The following NAV1 variants were observed in gnomAD, a reference collection of about 807,000 sequenced individuals.
NAV1 encodes the protein neuron navigator 1.
Under a neutral mutation model 175.2 loss-of-function variants are expected in NAV1, and 18 were observed. That is an observed-to-expected ratio of 0.10 (90% CI 0.07 to 0.15). NAV1 has a LOEUF of 0.15. Ranked by LOEUF, NAV1 falls within the 10% of genes least tolerant of loss-of-function variation. NAV1 has a pLI of 1.00. For synonymous variants in NAV1, 897 were observed against 978.7 expected (o/e 0.92, Z 1.56); for missense variants, 1,731 against 2,436.6 (o/e 0.71, Z 6.10).
chr1:201,726,904 CA>C (rs1358153527), intron 3 of NAV1, among the ~76,000 whole-genome samples: 2 of 152,184 alleles, frequency 1.3e-5, no homozygotes, highest in African/African-American at 4.8e-5. Flanking sequence ...CTTATCAACA[CA>C]GGCATACCAC....
In NAV1 at chr1:201,782,644, C is replaced by A; in HGVS notation, c.2132C>A (p.Thr711Lys). The A allele has an allele frequency of 1.2e-6, 2 of 1,614,146 alleles. No individual in the cohort carries two copies. Among genetic ancestry groups the A allele is most frequent in the Non-Finnish European group, 1.7e-6 (2 of 1,180,020 alleles). ...CTCAGCACCAAGCAGGGAGGCCTTA[C>A]GCCTTCCAGACTGAAGGAGCCTACC... is the stretch of plus-strand genomic sequence containing the variant. Residue 711 changes from threonine to lysine, a missense_variant, in exon 6 of 30, where the codon ACG (threonine) becomes AAG (lysine). Around this residue, in one of 13 missense-constraint regions of NAV1, gnomAD observed 634 missense variants for 766.8 expected, o/e 0.83. Coordinates refer to ENST00000367296, the Ensembl canonical transcript of NAV1. This position sits in a 1 kb window ranked among gnomAD's most constrained non-coding sequence, Gnocchi z 5.4.
At chr1:201,592,785 G>T (rs925077003) in intron 2 of NAV1, among the ~76,000 whole-genome samples, 1 of 152,130 alleles carries the variant, frequency 6.6e-6, no homozygotes, top group Non-Finnish European at 1.5e-5. Flanking sequence ...GCAGAAAGGG[G>T]TGGAGGGCCT....
At chr1:201,670,864 T>A (rs1172619573) in intron 1 of NAV1, among the ~76,000 whole-genome samples, 1 of 151,706 alleles carries the variant, frequency 6.6e-6, no homozygotes, top group Non-Finnish European at 1.5e-5. Flanking sequence ...ATGCTGGTGG[T>A]ATCTTGGTGA....
At chr1:201,744,399 A>C (rs1248021938) in intron 3 of NAV1, among the ~76,000 whole-genome samples, 2 of 151,940 alleles carry the variant, frequency 1.3e-5, no homozygotes. Context: ...TGCCAGGCAA[A>C]GTTCTGGGTA....
intron 2 of NAV1, among the ~76,000 whole-genome samples, chr1:201,610,132 T>C (rs1340842025): frequency 2.0e-5 from 3 of 152,242 alleles, no homozygotes; most frequent in East Asian, 1.9e-4. Context: ...CTGCTTCCCA[T>C]GCCAGCTCAA....
At chr1:201,624,458 C>T (rs1463379747) in intron 1 of NAV1, among the ~76,000 whole-genome samples, 3 of 151,210 alleles carry the variant, frequency 2.0e-5, no homozygotes, top group Non-Finnish European at 4.4e-5. Context: ...ATTCTCCTGC[C>T]TCAGCCTCCC....
chr1:201,723,149 T>A (rs1451107183), intron 3 of NAV1: 2 of 152,228 alleles, frequency 1.3e-5, no homozygotes, highest in African/African-American at 4.8e-5. Flanking sequence ...GGCGAAGTGG[T>A]TATCTCATTG....
In NAV1 at chr1:201,813,082, A is replaced by G; in HGVS notation, c.5222-58A>G. 7.8e-7 allele frequency: 1 copy of G among 1,278,848 alleles called. No individual in the cohort carries two copies. Among genetic ancestry groups the G allele is most frequent in the Non-Finnish European group, 1.1e-6 (1 of 883,756 alleles). 79.2% of individuals were successfully genotyped at this position (1,278,848 alleles called of 1,614,324 possible). The stretch of plus-strand genomic sequence containing the variant: ...CCTGGTACTAAGGAGTAAAAGAGGC[A>G]CACAACCGGGAAGATCTAGGTTCCC... On this transcript the variant is annotated intron_variant, in intron 27 of 29. Transcript: ENST00000367296. The surrounding 1 kb of genome is among the most constrained non-coding windows in gnomAD (Gnocchi z 4.2).
chr1:201,648,026 C>A (rs760438716), upstream of NAV1, among the ~76,000 whole-genome samples: 1 of 151,096 alleles, frequency 6.6e-6, no homozygotes, highest in Non-Finnish European at 1.5e-5. Context: ...CACTCATCCG[C>A]CCCTGGAGCT....
At chr1:201,622,863 C>G (rs564449680), upstream of NAV1, 4 of 985,876 alleles carry the variant, frequency 4.1e-6, no homozygotes, top group African/African-American at 1.7e-5. Flanking sequence ...GACAGTAGCC[C>G]ACACTTCCAG....
intron 2 of NAV1, among the ~76,000 whole-genome samples, chr1:201,591,210 A>C (rs1296800775): frequency 6.6e-6 from 1 of 152,136 alleles, no homozygotes; most frequent in Non-Finnish European, 1.5e-5. Context: ...GGAGTCAAAG[A>C]TCCCTAAGGC....
At position 201,767,754 on chromosome 1, in the gene NAV1, C is replaced by T. The variant is rs112073665; in HGVS notation, c.1227-12667C>T. On this transcript the variant is annotated intron_variant, in intron 3 of 29. Transcript: ENST00000367296. ...CTTGCTGCAGGGACCAGAGATGGAA[C>T]ATCACTTGCTAATTTTCTCATTAGG... Among the ~76,000 whole-genome samples the T allele has an allele frequency of 4.8e-3, 726 of 152,248 alleles. 11 individuals carry two copies. Among genetic ancestry groups the T allele is most frequent in the African/African-American group, 0.017 (694 of 41,546 alleles).
At chr1:201,796,049 A>T (rs1677430661) in intron 15 of NAV1, 2 of 152,196 alleles carry the variant, frequency 1.3e-5, no homozygotes, top group South Asian at 4.1e-4. Flanking sequence ...GATATACCAC[A>T]GTTTGTTTAG....
exon 7 of NAV1, chr1:201,783,724 G>A: frequency 3.1e-6 from 5 of 1,614,152 alleles, no homozygotes; most frequent in Non-Finnish European, 4.2e-6. Context: ...AGATGCCAAT[G>A]AGCCTCCCCA....
chr1:201,648,218 C>G, upstream of NAV1: 1 of 1,004,938 alleles, frequency 1.0e-6, no homozygotes, highest in Non-Finnish European at 1.2e-6. Flanking sequence ...TGGCTGAGTG[C>G]GGCCGGGGCG....
upstream of NAV1, among the ~76,000 whole-genome samples, chr1:201,646,722 A>G (rs1668989176): frequency 6.6e-6 from 1 of 152,170 alleles, no homozygotes; most frequent in Non-Finnish European, 1.5e-5. Flanking sequence ...AGAACCCAAG[A>G]GTCATGCAGG....
chr1:201,652,764 T>A (rs1669254797), intron 1 of NAV1, among the ~76,000 whole-genome samples: 1 of 152,124 alleles, frequency 6.6e-6, no homozygotes, highest in African/African-American at 2.4e-5. Flanking sequence ...CCAAGTGGCT[T>A]AAAGAGAGCC....
chr1:201,545,465 C>G (rs555765436), intron 1 of NAV1, among the ~76,000 whole-genome samples: 7 of 151,794 alleles, frequency 4.6e-5, no homozygotes, highest in Non-Finnish European at 1.0e-4. Flanking sequence ...ATTCCAGATA[C>G]ATGTTGGCCA....
At chr1:201,546,663 G>C (rs1665680977) in intron 1 of NAV1, among the ~76,000 whole-genome samples, 1 of 152,018 alleles carries the variant, frequency 6.6e-6, no homozygotes, top group Non-Finnish European at 1.5e-5. Context: ...CCAGCACTTT[G>C]GGAGGCCAAG....
Sources: gnomAD v4.1 joint callset for allele counts (sites outside exome capture counted in the v4.1 genomes callset) on GRCh38, gnomAD v4.1.1 for gene constraint, gnomAD v4.1.1 regional missense constraint, Gnocchi (gnomAD v3.1) non-coding constraint, MANE v1.5 for transcripts, NCBI Gene and HGNC (gene_info 2026-07-23, HGNC 2026-07-21) for gene names.